HSPA4L: variants seen among roughly 807,000 people sequenced by gnomAD.
The protein encoded by HSPA4L is heat shock 70 kDa protein 4L.
HSPA4L carries 48 observed loss-of-function variants against 100.3 expected under a neutral mutation model. That is an observed-to-expected ratio of 0.48 (90% CI 0.38 to 0.61). HSPA4L has a LOEUF of 0.61. HSPA4L is among the 20% of genes least tolerant of loss of function. HSPA4L has a pLI of 0.00. For synonymous variants in HSPA4L, 319 were observed against 328.2 expected (o/e 0.97, Z 0.30); for missense variants, 886 against 988.6 (o/e 0.90, Z 1.39).
intron 16 of HSPA4L, among the ~76,000 whole-genome samples, chr4:127,826,617 G>A (rs916857898): frequency 7.9e-5 from 12 of 152,130 alleles, no homozygotes; most frequent in African/African-American, 2.7e-4. Flanking sequence ...GCATAGAGAA[G>A]CGTCTGGTGC....
intron 1 of HSPA4L, among the ~76,000 whole-genome samples, chr4:127,790,425 T>G (rs1294488731): frequency 6.6e-6 from 1 of 152,238 alleles, no homozygotes; most frequent in African/African-American, 2.4e-5. Context: ...AAATTGGATA[T>G]GTAAATTTTT....
rs967091353 is a variant in HSPA4L, at chr4:127,837,931, A to C, written c.*5057A>C. 2 of 152,142 alleles carry C rather than the reference A, an allele frequency of 1.3e-5. No homozygotes were observed. The highest frequency in any genetic ancestry group is 2.9e-5 in the Non-Finnish European group (2 of 68,088). 9.4% of individuals were successfully genotyped at this position (152,142 alleles called of 1,614,324 possible). ...GCAATTCTCCTGCCTCAGCCTCCCAAGTAGCTGGGATTACAGGAACCCACC... is the reference window on the plus strand; with the variant it reads ...GCAATTCTCCTGCCTCAGCCTCCCACGTAGCTGGGATTACAGGAACCCACC... On this transcript the variant is annotated 3_prime_UTR_variant, in exon 19 of 19. Transcript: ENST00000296464.
At chr4:127,809,667 C>A (rs1371792486) in intron 11 of HSPA4L, among the ~76,000 whole-genome samples, 1 of 152,108 alleles carries the variant, frequency 6.6e-6, no homozygotes, top group Non-Finnish European at 1.5e-5. Context: ...GCTGTATCGT[C>A]CAAGGAATTG....
intron 1 of HSPA4L, among the ~76,000 whole-genome samples, chr4:127,786,462 A>G (rs2148774126): frequency 6.6e-6 from 1 of 152,242 alleles, no homozygotes; most frequent in South Asian, 2.1e-4. Context: ...ACATTATTTT[A>G]ATAATTCCTA....
At chr4:127,804,608 A>AACACACACACACACAC (rs56013070) in intron 8 of HSPA4L, among the ~76,000 whole-genome samples, 4 of 144,316 alleles carry the variant, frequency 2.8e-5, no homozygotes, top group African/African-American at 1.0e-4. Context: ...TCTGTCTCAA[A>AACACACACACACACAC]ACACACACAC....
intron 11 of HSPA4L, 109 bp downstream of exon 11, chr4:127,808,238 T>C: frequency 1.2e-6 from 1 of 839,268 alleles, no homozygotes; most frequent in Non-Finnish European, 1.8e-6. Context: ...ATGGGACTTT[T>C]AAAGAAAGAT....
intron 12 of HSPA4L, chr4:127,813,401 C>T (rs1733593395): frequency 2.0e-6 from 1 of 496,944 alleles, no homozygotes; most frequent in Admixed American, 3.5e-5. Context: ...TTCTTTCAAT[C>T]TTTCCATGTA....
At chr4:127,814,410 T>A (rs1229391173) in intron 12 of HSPA4L, among the ~76,000 whole-genome samples, 1 of 152,156 alleles carries the variant, frequency 6.6e-6, no homozygotes, top group African/African-American at 2.4e-5. Context: ...TATTATCTTT[T>A]TTTTTAATTT....
chr4:127,820,999 T>A (rs1308115705), intron 14 of HSPA4L, among the ~76,000 whole-genome samples: 1 of 152,136 alleles, frequency 6.6e-6, no homozygotes. Context: ...TACATGTTCT[T>A]TTCTATTTAC....
chr4:127,827,590 T>G (rs1733979501), intron 17 of HSPA4L, among the ~76,000 whole-genome samples, 166 bp downstream of exon 17: 1 of 152,264 alleles, frequency 6.6e-6, no homozygotes, highest in Middle Eastern at 3.4e-3. Flanking sequence ...AGAATTTCAC[T>G]TAAGGATTCT....
Position 127,811,545 on chromosome 4 carries a change from C to T in HSPA4L, c.1487C>T (p.Ser496Leu). The T allele has an allele frequency of 6.2e-7, 1 of 1,613,782 alleles. No individual in the cohort carries two copies. The highest frequency in any genetic ancestry group is 8.5e-7 in the Non-Finnish European group (1 of 1,179,842). Residue 496 changes from serine (S) to leucine (L), a missense_variant, in exon 12 of 19, where the codon TCA (serine) becomes TTA (leucine). Transcript: ENST00000296464. ...IHGIFSVASA[S>L]VIEKQNLEGD... ...GGAATCTTCAGTGTGGCTAGCGCAT[C>T]AGTAATTGAGAAGCAAAATTTGGAA...
intron 6 of HSPA4L, among the ~76,000 whole-genome samples, chr4:127,803,360 A>T (rs370927363): frequency 1.5e-4 from 22 of 151,442 alleles, no homozygotes; most frequent in Admixed American, 9.9e-4. Flanking sequence ...ATGAGGCTTT[A>T]GTTGTAATTC....
chr4:127,822,730 C>T, intron 14 of HSPA4L, 39 bp from the exon 15 acceptor site: 1 of 1,602,162 alleles, frequency 6.2e-7, no homozygotes, highest in Non-Finnish European at 8.5e-7. Context: ...TTCCCTAATG[C>T]ATATTCTTAT....
At chr4:127,819,906 C>T (rs1383872567) in intron 13 of HSPA4L, among the ~76,000 whole-genome samples, 3 of 151,994 alleles carry the variant, frequency 2.0e-5, no homozygotes, top group African/African-American at 7.2e-5. Context: ...CACTTTTTTA[C>T]TCTTATGATT....
At chr4:127,803,602 T>C (rs1202299307) in intron 6 of HSPA4L, 27 bp from the exon 7 acceptor site, 1 of 1,497,432 alleles carries the variant, frequency 6.7e-7, no homozygotes, top group Admixed American at 2.3e-5. Flanking sequence ...TTTCTGAAAA[T>C]ACAGTTCTGC....
At chr4:127,782,306 G>C (rs1732576570), upstream of HSPA4L, 2 of 497,642 alleles carry the variant, frequency 4.0e-6, no homozygotes, top group Non-Finnish European at 3.6e-6. Context: ...CCGCCGGTTG[G>C]AGGCGGCCGA....
In HSPA4L at chr4:127,833,057, A is replaced by C. The variant is rs550376289; in HGVS notation, c.*183A>C. On this transcript the variant is annotated 3_prime_UTR_variant, in exon 19 of 19. Coordinates refer to ENST00000296464, the MANE Select transcript of HSPA4L (RefSeq NM_014278.4). ...TCTGTTCATTTCCATTGCTGCTTAT[A>C]TGCAGTGTTAGCCGAATTAGATTTA... 91 of 444,262 alleles carry C rather than the reference A, an allele frequency of 2.0e-4. No homozygotes were observed. The East Asian group carries it at 3.1e-3, about 15-fold the overall frequency. The allele number at this position is 444,262 out of a possible 1,614,324, so 27.5% of individuals were successfully genotyped here. A position where few individuals can be genotyped will look rare whatever the true frequency, so the allele number is the denominator to read the frequency against.
chr4:127,833,756 C>T lies in HSPA4L; in HGVS notation c.*882C>T, dbSNP rs1734144587. Reference sequence around the variant, plus strand: ...TTCTTAATTGATTTTGTTAATAATACCTTAACACAGGGTAGGAAGAAGTGG... The same window carrying T: ...TTCTTAATTGATTTTGTTAATAATATCTTAACACAGGGTAGGAAGAAGTGG... On this transcript the variant is annotated 3_prime_UTR_variant, in exon 19 of 19. Coordinates refer to ENST00000296464, the MANE Select transcript of HSPA4L (RefSeq NM_014278.4). 1 of 151,976 alleles carries T rather than the reference C, an allele frequency of 6.6e-6. No individual in the cohort carries two copies. Among genetic ancestry groups the T allele is most frequent in the Admixed American group, 6.6e-5 (1 of 15,256 alleles). The allele number at this position is 151,976 out of a possible 1,614,324, so 9.4% of individuals were successfully genotyped here.
chr4:127,809,006 A>AT (rs1280872387), intron 11 of HSPA4L, among the ~76,000 whole-genome samples: 3 of 152,066 alleles, frequency 2.0e-5, no homozygotes, highest in African/African-American at 7.2e-5. Context: ...GTATATTCTA[A>AT]TTTTAAACTT....
Sources: gnomAD v4.1 joint callset for allele counts (sites outside exome capture counted in the v4.1 genomes callset) on GRCh38, gnomAD v4.1.1 for gene constraint, MANE v1.5 for transcripts, NCBI Gene and HGNC (gene_info 2026-07-23, HGNC 2026-07-21) for gene names.